Variants in TTC34 observed in about 807,000 individuals in gnomAD.
TTC34 encodes tetratricopeptide repeat domain 34.
TTC34 carries 44 observed loss-of-function variants against 40.7 expected under a neutral mutation model. That is an observed-to-expected ratio of 1.08 (90% CI 0.85 to 1.39). The LOEUF (loss-of-function observed/expected upper bound fraction) is 1.39. Ranked by LOEUF, TTC34 falls within the 40% of genes most tolerant of loss-of-function variation. The pLI, the probability that TTC34 is intolerant of heterozygous loss-of-function variation, is 0.00. For synonymous variants in TTC34, 422 were observed against 398.6 expected (o/e 1.06, Z -0.70); for missense variants, 884 against 838.0 (o/e 1.05, Z -0.68).
intron 6 of TTC34, among the ~76,000 whole-genome samples, chr1:2,655,038 G>C (rs2100230883): frequency 6.6e-6 from 1 of 151,760 alleles, no homozygotes; most frequent in African/African-American, 2.4e-5. Flanking sequence ...TGACAGCCCG[G>C]AACAGCACGC....
intron 6 of TTC34, among the ~76,000 whole-genome samples, chr1:2,764,196 C>G (rs1641723298): frequency 1.3e-5 from 2 of 149,182 alleles, no homozygotes; most frequent in African/African-American, 5.0e-5. Flanking sequence ...AGGTGAGCAT[C>G]TGACAGTCTG....
intron 6 of TTC34, among the ~76,000 whole-genome samples, chr1:2,752,733 C>A (rs1400917846): frequency 3.5e-4 from 41 of 117,984 alleles, no homozygotes; most frequent in Admixed American, 7.6e-4. Context: ...GCACCCTGCA[C>A]CCCCAGGACA....
At chr1:2,650,256 T>C (rs202055564) in intron 6 of TTC34, among the ~76,000 whole-genome samples, 105 of 93,592 alleles carry the variant, frequency 1.1e-3, no homozygotes, top group African/African-American at 2.4e-3. Context: ...GCACTCTACA[T>C]CCCCAGGTGA....
rs534773273 is a variant in TTC34, at chr1:2,791,802, G to C, written c.785-1456C>G. Among the ~76,000 whole-genome samples the C allele has an allele frequency of 2.6e-5, 4 of 152,132 alleles. No individual in the cohort carries two copies. The South Asian group carries it at 8.3e-4, about 32-fold the overall frequency. On this transcript the variant is annotated intron_variant, in intron 2 of 8. Transcript: ENST00000401095. ...CTGTTATTTATGTTCCCACGTGAAA[G>C]GGTGATCTCTCCTCTCTTTCCGAGA...
intron 6 of TTC34, among the ~76,000 whole-genome samples, chr1:2,684,351 C>G (rs1640219771): frequency 6.6e-6 from 1 of 152,078 alleles, no homozygotes; most frequent in African/African-American, 2.4e-5. Flanking sequence ...CAGCAGCACC[C>G]ACACCCACAG....
chr1:2,687,899 A>G, intron 6 of TTC34, among the ~76,000 whole-genome samples: 1 of 152,054 alleles, frequency 6.6e-6, no homozygotes, highest in African/African-American at 2.4e-5. Context: ...CCAGGTGAGC[A>G]TCTGACAGAC....
Position 2,751,520 on chromosome 1 carries a change from C to T in TTC34, c.2226+32089G>A, listed in dbSNP as rs1387352170. 5.0e-5 allele frequency among the ~76,000 whole-genome samples: 4 copies of T among 79,650 alleles called. 1 individual carries two copies. Among genetic ancestry groups the T allele is most frequent in the African/African-American group, 2.5e-4 (4 of 16,300 alleles). The allele number at this position is 79,650 out of a possible 152,430, so 52.3% of individuals were successfully genotyped here. A position where few individuals can be genotyped will look rare whatever the true frequency, so the allele number is the denominator to read the frequency against. On this transcript the variant is annotated intron_variant, in intron 6 of 8. Transcript: ENST00000401095. ...GAGCCTCTGACAGCCTTGAACAGCA[C>T]CCTGCACCCCCAGGTGAGCATCTGA...
At chr1:2,684,356 C>T (rs1570807131) in intron 6 of TTC34, among the ~76,000 whole-genome samples, 3 of 151,180 alleles carry the variant, frequency 2.0e-5, no homozygotes, top group South Asian at 4.2e-4. Flanking sequence ...GCACCCACAC[C>T]CACAGGTGAG....
At chr1:2,782,621 A>G (rs1488050385) in intron 6 of TTC34, among the ~76,000 whole-genome samples, 2 of 152,158 alleles carry the variant, frequency 1.3e-5, no homozygotes, top group Non-Finnish European at 2.9e-5. Flanking sequence ...AAGCATTTAC[A>G]GCTATACATT....
At chr1:2,783,986 C>T (rs1643534460) in intron 5 of TTC34, among the ~76,000 whole-genome samples, 1 of 152,042 alleles carries the variant, frequency 6.6e-6, no homozygotes, top group Non-Finnish European at 1.5e-5. Context: ...GGACTGGGGA[C>T]AGCTGGGGGG....
chr1:2,751,996 A>C lies in TTC34; in HGVS notation c.2226+31613T>G, dbSNP rs1305218293. Among the ~76,000 whole-genome samples, 5 of 118,902 alleles carry C rather than the reference A, an allele frequency of 4.2e-5. 2 individuals carry two copies. The highest frequency in any genetic ancestry group is 8.5e-5 in the Non-Finnish European group (5 of 59,074). 78.0% of individuals were successfully genotyped at this position (118,902 alleles called of 152,430 possible). On this transcript the variant is annotated intron_variant, in intron 6 of 8. Coordinates refer to ENST00000401095, the Ensembl canonical transcript of TTC34. ...CCCAGGCGAGCATTTGACAGCCTGG[A>C]GCAGTGCCCACACACCCAGCTGAGC...
chr1:2,688,180 A>T (rs1473514695), intron 6 of TTC34, among the ~76,000 whole-genome samples: 43 of 149,578 alleles, frequency 2.9e-4, no homozygotes, highest in African/African-American at 9.0e-4. Context: ...CCAGGCGAGC[A>T]TCGGACAGCC....
intron 5 of TTC34, among the ~76,000 whole-genome samples, chr1:2,784,898 C>T (rs1014552218): frequency 6.6e-5 from 10 of 152,190 alleles, no homozygotes; most frequent in African/African-American, 2.2e-4. Context: ...GCCAAAGAGG[C>T]TGTCATTACT....
intron 6 of TTC34, among the ~76,000 whole-genome samples, chr1:2,757,800 G>A (rs1394822095): frequency 1.4e-5 from 2 of 147,680 alleles, no homozygotes; most frequent in Admixed American, 6.7e-5. Flanking sequence ...ACCTTCCGGC[G>A]AGCATCCGAC....
In TTC34 at chr1:2,782,335, T is replaced by G. The variant is rs1032469309; in HGVS notation, c.2226+1274A>C. On this transcript the variant is annotated intron_variant, in intron 6 of 8. Transcript: ENST00000401095. ...TATAATTATTTTTATTTCTGTAGAA[T>G]TGGTAATAACCTGATTTTCATTTCT... Among the ~76,000 whole-genome samples the G allele has an allele frequency of 2.3e-4, 35 of 152,216 alleles. 1 individual carries two copies. The highest frequency in any genetic ancestry group is 1.5e-5 in the Non-Finnish European group (1 of 68,034).
intron 6 of TTC34, among the ~76,000 whole-genome samples, chr1:2,687,906 A>C (rs1640439033): frequency 6.6e-6 from 1 of 152,142 alleles, no homozygotes; most frequent in African/African-American, 2.4e-5. Context: ...AGCATCTGAC[A>C]GACTGGAACA....
intron 6 of TTC34, among the ~76,000 whole-genome samples, chr1:2,772,905 T>G (rs1229648574): frequency 1.1e-5 from 1 of 87,134 alleles, no homozygotes; most frequent in Admixed American, 1.5e-4. Context: ...CACCCCCAGG[T>G]GAGCATTCGA....
exon 9 of TTC34, chr1:2,638,410 A>G (rs900252606): frequency 4.6e-5 from 7 of 152,222 alleles, no homozygotes; most frequent in South Asian, 2.1e-4. Context: ...CTACCAGTTT[A>G]CTTGGTTGAA....
chr1:2,750,348 T>C (rs1445730668), intron 6 of TTC34, among the ~76,000 whole-genome samples: 1 of 35,708 alleles, frequency 2.8e-5, no homozygotes, highest in Non-Finnish European at 5.1e-5. Context: ...CTGACAGCCT[T>C]GAACAGCACC....
Sources: gnomAD v4.1 joint callset for allele counts (sites outside exome capture counted in the v4.1 genomes callset) on GRCh38, gnomAD v4.1.1 for gene constraint, MANE v1.5 for transcripts, NCBI Gene and HGNC (gene_info 2026-07-23, HGNC 2026-07-21) for gene names.